Variants in FSTL5 observed in about 807,000 individuals in gnomAD.
FSTL5 encodes follistatin-related protein 5.
FSTL5 carries 62 observed loss-of-function variants against 89.1 expected under a neutral mutation model. The observed-to-expected ratio is 0.70, with a 90% CI of 0.57 to 0.86. The LOEUF (loss-of-function observed/expected upper bound fraction) is 0.86, where lower values mean the gene tolerates loss of function less well. FSTL5 is among the 40% of genes least tolerant of loss of function. FSTL5 has a pLI of 0.00. For synonymous variants in FSTL5, 383 were observed against 346.2 expected (o/e 1.11, Z -1.18); for missense variants, 1,057 against 1,001.6 (o/e 1.06, Z -0.75).
intron 2 of FSTL5, among the ~76,000 whole-genome samples, chr4:162,075,864 A>G (rs1174438232): frequency 6.6e-6 from 1 of 151,828 alleles, no homozygotes; most frequent in Non-Finnish European, 1.5e-5. Flanking sequence ...TCATTCTGGA[A>G]AGATCATCCC....
intron 8 of FSTL5, among the ~76,000 whole-genome samples, chr4:161,553,757 G>A (rs969272532): frequency 8.6e-5 from 13 of 151,458 alleles, no homozygotes; most frequent in African/African-American, 3.1e-4. Flanking sequence ...GCATATTAGA[G>A]ATCCTGGAAA....
At chr4:162,143,603 G>GTTA (rs1732836103) in intron 1 of FSTL5, among the ~76,000 whole-genome samples, 1 of 151,808 alleles carries the variant, frequency 6.6e-6, no homozygotes. Flanking sequence ...CTCCATAATT[G>GTTA]TTATAAGTTG....
At chr4:161,562,722 A>G (rs1342766514) in intron 8 of FSTL5, among the ~76,000 whole-genome samples, 1 of 151,786 alleles carries the variant, frequency 6.6e-6, no homozygotes, top group African/African-American at 2.4e-5. Flanking sequence ...GTACCCTGTT[A>G]CTGCTTTTAA....
At chr4:161,773,815 T>G (rs1741296619) in intron 5 of FSTL5, among the ~76,000 whole-genome samples, 1 of 152,164 alleles carries the variant, frequency 6.6e-6, no homozygotes, top group South Asian at 2.1e-4. Flanking sequence ...GAACTACCAT[T>G]TGATCTAGCA....
At chr4:161,641,543 G>A (rs1735960742) in intron 7 of FSTL5, among the ~76,000 whole-genome samples, 1 of 150,394 alleles carries the variant, frequency 6.6e-6, no homozygotes, top group African/African-American at 2.4e-5. Flanking sequence ...CCAGCCTGGA[G>A]TGCAGTGGCG....
chr4:162,004,553 C>G (rs1736557493), intron 3 of FSTL5, among the ~76,000 whole-genome samples: 1 of 152,116 alleles, frequency 6.6e-6, no homozygotes, highest in African/African-American at 2.4e-5. Context: ...ACTGGCCACA[C>G]CTCCTTCTAG....
chr4:161,428,892 C>T (rs540790904), intron 15 of FSTL5, among the ~76,000 whole-genome samples: 18 of 152,036 alleles, frequency 1.2e-4, no homozygotes, highest in South Asian at 8.3e-4. Flanking sequence ...GGACCAGCTC[C>T]GCCACAGTGG....
intron 4 of FSTL5, among the ~76,000 whole-genome samples, chr4:161,911,098 C>T (rs1214013934): frequency 3.3e-5 from 5 of 151,982 alleles, no homozygotes; most frequent in Non-Finnish European, 7.4e-5. Context: ...GACCATGATA[C>T]CACTTTGTAT....
intron 5 of FSTL5, among the ~76,000 whole-genome samples, chr4:161,774,625 A>C (rs1276953905): frequency 6.6e-6 from 1 of 151,984 alleles, no homozygotes; most frequent in Non-Finnish European, 1.5e-5. Flanking sequence ...TAAAAACTAA[A>C]ATAACAACAA....
chr4:161,600,196 C>CACACAG (rs1245000873), intron 7 of FSTL5, among the ~76,000 whole-genome samples: 2 of 150,640 alleles, frequency 1.3e-5, no homozygotes, highest in African/African-American at 4.9e-5. Flanking sequence ...CACACACACA[C>CACACAG]ACAAACAGTA....
chr4:162,003,439 G>A (rs1195944152), intron 3 of FSTL5, among the ~76,000 whole-genome samples: 1 of 151,988 alleles, frequency 6.6e-6, no homozygotes, highest in African/African-American at 2.4e-5. Flanking sequence ...TTATATTTTG[G>A]TATCTCAACA....
intron 15 of FSTL5, among the ~76,000 whole-genome samples, chr4:161,402,776 T>C (rs1455112409): frequency 1.3e-5 from 2 of 152,126 alleles, no homozygotes; most frequent in African/African-American, 4.8e-5. Flanking sequence ...TTGAACCCCA[T>C]TTGTTTTTCT....
chr4:162,132,652 A>T (rs571992465), intron 1 of FSTL5, among the ~76,000 whole-genome samples: 1 of 152,206 alleles, frequency 6.6e-6, no homozygotes, highest in African/African-American at 2.4e-5. Flanking sequence ...CCTACTGCAT[A>T]GATGTGCAAA....
chr4:161,521,848 C>CAAAAAAA lies in FSTL5; in HGVS notation c.1313-11431_1313-11425dup, dbSNP rs11405532. On this transcript the variant is annotated intron_variant, in intron 10 of 15. Coordinates refer to ENST00000306100, the MANE Select transcript of FSTL5 (RefSeq NM_020116.5). ...TGGATGACAGAGCAGGACTCCACCT[C>CAAAAAAA]AAAAAAAAAAAAAAAAGAAAAAAAA... Among the ~76,000 whole-genome samples the CAAAAAAA allele has an allele frequency of 1.7e-4, 10 of 58,134 alleles. 2 individuals carry two copies. Among genetic ancestry groups the CAAAAAAA allele is most frequent in the East Asian group, 1.1e-3 (2 of 1,742 alleles). The allele number at this position is 58,134 out of a possible 152,430, so 38.1% of individuals were successfully genotyped here.
At chr4:162,093,834 C>T (rs1730645257) in intron 2 of FSTL5, among the ~76,000 whole-genome samples, 1 of 151,844 alleles carries the variant, frequency 6.6e-6, no homozygotes, top group Non-Finnish European at 1.5e-5. Context: ...TTTTATAAAC[C>T]ATTCAAAAAA....
chr4:161,461,601 G>A (rs1733586228), intron 13 of FSTL5, among the ~76,000 whole-genome samples: 2 of 150,972 alleles, frequency 1.3e-5, no homozygotes, highest in Non-Finnish European at 3.0e-5. Flanking sequence ...CAGACTTGAT[G>A]TTATTTAGGT....
chr4:161,840,026 G>A (rs1283386748), intron 4 of FSTL5, among the ~76,000 whole-genome samples: 1 of 152,184 alleles, frequency 6.6e-6, no homozygotes, highest in Non-Finnish European at 1.5e-5. Flanking sequence ...TACAGGAAAA[G>A]TATGATGTTA....
rs139984095 is a variant in FSTL5, at chr4:162,119,178, G to A, written c.-16-7766C>T. Among the ~76,000 whole-genome samples the A allele has an allele frequency of 4.0e-5, 6 of 151,268 alleles. 1 individual carries two copies. Among genetic ancestry groups the A allele is most frequent in the Admixed American group, 2.6e-4 (4 of 15,176 alleles). On this transcript the variant is annotated intron_variant, in intron 1 of 15. Transcript: ENST00000306100. Reference sequence around the variant, plus strand: ...GAAGTTTGAGGCTGCAGTGAGCCATGATCATACCATTGCACTGCAGCCTGG... The same window carrying A: ...GAAGTTTGAGGCTGCAGTGAGCCATAATCATACCATTGCACTGCAGCCTGG...
intron 2 of FSTL5, among the ~76,000 whole-genome samples, chr4:162,098,987 T>C (rs942673981): frequency 6.6e-6 from 1 of 152,064 alleles, no homozygotes; most frequent in Non-Finnish European, 1.5e-5. Context: ...TTAAAGACTA[T>C]AAAATAGAAG....
Sources: gnomAD v4.1 joint callset for allele counts (sites outside exome capture counted in the v4.1 genomes callset) on GRCh38, gnomAD v4.1.1 for gene constraint, MANE v1.5 for transcripts, NCBI Gene and HGNC (gene_info 2026-07-23, HGNC 2026-07-21) for gene names.